GNA12: variants seen among roughly 807,000 people sequenced by gnomAD.
GNA12 encodes the protein guanine nucleotide-binding protein subunit alpha-12.
Under a neutral mutation model 26.0 loss-of-function variants are expected in GNA12, and 9 were observed. The observed-to-expected ratio is 0.35, with a 90% CI of 0.21 to 0.60. The LOEUF is 0.60. Among genes scored for constraint, GNA12 ranks in the 20% least tolerant of loss-of-function variants. GNA12 has a pLI of 0.78. For synonymous variants in GNA12, 264 were observed against 219.6 expected (o/e 1.20, Z -1.79); for missense variants, 405 against 525.8 (o/e 0.77, Z 2.25).
intron 2 of GNA12, chr7:2,762,262 G>A (rs1791595234): frequency 2.3e-5 from 5 of 218,930 alleles, no homozygotes; most frequent in Non-Finnish European, 3.6e-5. Context: ...CCCTGACTTA[G>A]GGTCGTCACA....
intron 1 of GNA12, among the ~76,000 whole-genome samples, chr7:2,803,812 A>C (rs905885850): frequency 4.6e-5 from 7 of 152,006 alleles, no homozygotes; most frequent in African/African-American, 1.7e-4. Flanking sequence ...ACAAAACAAA[A>C]CAAACAAACA....
intron 2 of GNA12, among the ~76,000 whole-genome samples, chr7:2,755,059 T>C (rs978096152): frequency 6.6e-6 from 1 of 152,244 alleles, no homozygotes; most frequent in Admixed American, 6.5e-5. Context: ...GAGTTGCTTC[T>C]GCCCTTGGCT....
chr7:2,843,975 G>T lies in GNA12; in HGVS notation c.187C>A (p.Leu63Met). The change falls in exon 1 of 4, where the codon CTG (leucine) becomes ATG (methionine). Residue 63 changes from leucine (L) to methionine (M), a missense_variant. Transcript: ENST00000275364. The stretch of plus-strand genomic sequence containing the variant: ...GACTTGCCGCTCTCGCCCGCGCCCA[G>T]CAGCAGGATCTTCACCAGGCGCCGG... ...AVRRLVKILL[L>M]GAGESGKSTF... 1 of 1,587,142 alleles carries T rather than the reference G, an allele frequency of 6.3e-7. No individual in the cohort carries two copies.
intron 1 of GNA12, among the ~76,000 whole-genome samples, chr7:2,826,969 C>G (rs1793498920): frequency 6.6e-6 from 1 of 152,150 alleles, no homozygotes; most frequent in Non-Finnish European, 1.5e-5. Flanking sequence ...TCACAACTTT[C>G]CCAACCCTAG....
chr7:2,762,508 CTG>C, intron 2 of GNA12: 1 of 942,516 alleles, frequency 1.1e-6, no homozygotes, highest in Non-Finnish European at 1.5e-6. Flanking sequence ...AGTAGCCTAA[CTG>C]TGGACTACAA....
intron 1 of GNA12, among the ~76,000 whole-genome samples, chr7:2,820,053 C>T (rs772551215): frequency 1.3e-5 from 2 of 152,158 alleles, no homozygotes; most frequent in South Asian, 2.1e-4. Flanking sequence ...AGAGGGATGA[C>T]GATGCCACGC....
At chr7:2,771,608 G>A (rs920210849) in intron 2 of GNA12, among the ~76,000 whole-genome samples, 2 of 152,018 alleles carry the variant, frequency 1.3e-5, no homozygotes, top group African/African-American at 2.4e-5. Flanking sequence ...TTCCAGATTC[G>A]CCCATATGCT....
At chr7:2,776,213 G>T (rs1347370718) in intron 2 of GNA12, among the ~76,000 whole-genome samples, 1 of 152,178 alleles carries the variant, frequency 6.6e-6, no homozygotes, top group Non-Finnish European at 1.5e-5. Context: ...TGGGATTACA[G>T]GTGTGAGCCA....
chr7:2,757,851 G>C (rs1457032662), intron 2 of GNA12, among the ~76,000 whole-genome samples: 1 of 152,112 alleles, frequency 6.6e-6, no homozygotes, highest in African/African-American at 2.4e-5. Context: ...TTTCAAACCT[G>C]ACTTTTTAAA....
At chr7:2,759,862 C>A (rs1161615743) in intron 2 of GNA12, among the ~76,000 whole-genome samples, 1 of 147,364 alleles carries the variant, frequency 6.8e-6, no homozygotes, top group Non-Finnish European at 1.5e-5. Context: ...ATTGTCCGCC[C>A]CCGTCTCAGA....
At chr7:2,738,283 T>TA (rs34320599) in intron 2 of GNA12, among the ~76,000 whole-genome samples, 1,780 of 142,842 alleles carry the variant, frequency 0.012, 37 homozygotes, top group African/African-American at 0.042. Context: ...AGGCTCCATC[T>TA]AAAAAAAAAA....
chr7:2,737,598 A>G (rs1361160411), intron 2 of GNA12, among the ~76,000 whole-genome samples: 1 of 152,154 alleles, frequency 6.6e-6, no homozygotes, highest in African/African-American at 2.4e-5. Context: ...CCTGTCTTAC[A>G]GTTTCTGCAC....
chr7:2,842,120 GAA>G (rs1307256609), intron 1 of GNA12, among the ~76,000 whole-genome samples: 17 of 88,012 alleles, frequency 1.9e-4, no homozygotes, highest in Middle Eastern at 5.2e-3. Context: ...GGGAAGGGAG[GAA>G]GAAAAGAAAG....
rs551331686 is a variant in GNA12, at chr7:2,810,434, A to G, written c.310-15291T>C. Among the ~76,000 whole-genome samples, 3 of 152,336 alleles carry G rather than the reference A, an allele frequency of 2.0e-5. No individual in the cohort carries two copies. In the South Asian group the frequency reaches 6.2e-4, roughly 32 times the overall value. On this transcript the variant is annotated intron_variant, in intron 1 of 3. Transcript: ENST00000275364. The stretch of plus-strand genomic sequence containing the variant: ...TTTCAACATAGGAATTTTGAGATGG[A>G]CACATTCAGACCATAGCACTGCAAA...
intron 2 of GNA12, among the ~76,000 whole-genome samples, chr7:2,739,456 T>A (rs976817367): frequency 1.4e-4 from 21 of 151,944 alleles, no homozygotes; most frequent in Admixed American, 3.9e-4. Context: ...CACAGGCCAG[T>A]GCAACATTCC....
intron 1 of GNA12, among the ~76,000 whole-genome samples, chr7:2,821,581 C>T (rs573052748): frequency 2.0e-4 from 31 of 152,332 alleles, no homozygotes; most frequent in African/African-American, 7.2e-4. Context: ...CCAAGCAAAA[C>T]AATTCACCCC....
At chr7:2,758,895 A>G (rs58991173) in intron 2 of GNA12, among the ~76,000 whole-genome samples, 1,733 of 152,220 alleles carry the variant, frequency 0.011, 41 homozygotes, top group African/African-American at 0.039. Context: ...CTATAATCCC[A>G]GCGCTCTGGG....
At chr7:2,820,513 G>A (rs1793325866) in intron 1 of GNA12, among the ~76,000 whole-genome samples, 1 of 150,256 alleles carries the variant, frequency 6.7e-6, no homozygotes, top group African/African-American at 2.5e-5. Context: ...CAGGAGACAT[G>A]CAAAACCTAT....
chr7:2,739,040 C>G (rs1356233902), intron 2 of GNA12, among the ~76,000 whole-genome samples: 1 of 152,190 alleles, frequency 6.6e-6, no homozygotes, highest in Non-Finnish European at 1.5e-5. Context: ...CGTGGAGCAG[C>G]CTCTACAACT....
Sources: gnomAD v4.1 joint callset for allele counts (sites outside exome capture counted in the v4.1 genomes callset) on GRCh38, gnomAD v4.1.1 for gene constraint, MANE v1.5 for transcripts, NCBI Gene and HGNC (gene_info 2026-07-23, HGNC 2026-07-21) for gene names.